Variants in PTP4A3 observed in about 807,000 individuals in gnomAD.
PTP4A3 encodes the protein protein tyrosine phosphatase type IVA 3.
Under a neutral mutation model 15.2 loss-of-function variants are expected in PTP4A3, and 9 were observed. The observed-to-expected ratio is 0.59, with a 90% CI of 0.36 to 1.03. PTP4A3 has a LOEUF of 1.03. Ranked by LOEUF, PTP4A3 falls within the 50% of genes least tolerant of loss-of-function variation. PTP4A3 has a pLI of 0.02. For synonymous variants in PTP4A3, 95 were observed against 102.0 expected (o/e 0.93, Z 0.41); for missense variants, 234 against 252.1 (o/e 0.93, Z 0.49).
intron 1 of PTP4A3, among the ~76,000 whole-genome samples, chr8:141,412,700 G>A (rs1832902569): frequency 6.6e-6 from 1 of 152,190 alleles, no homozygotes; most frequent in South Asian, 2.1e-4. Flanking sequence ...CAGCGAGCTC[G>A]CCCACTGCCC....
chr8:141,419,491 C>A (rs1246110736), intron 1 of PTP4A3, among the ~76,000 whole-genome samples: 1 of 152,102 alleles, frequency 6.6e-6, no homozygotes, highest in African/African-American at 2.4e-5. Context: ...TCCAGTCGGG[C>A]AAGGTGGGGA....
At chr8:141,400,713 A>G (rs976593215) in intron 1 of PTP4A3, among the ~76,000 whole-genome samples, 3 of 151,718 alleles carry the variant, frequency 2.0e-5, no homozygotes, top group Non-Finnish European at 4.4e-5. Context: ...CAGCCCCTTC[A>G]TCCCTATCCT....
At chr8:141,401,684 C>T (rs1185555697) in intron 1 of PTP4A3, among the ~76,000 whole-genome samples, 1 of 152,196 alleles carries the variant, frequency 6.6e-6, no homozygotes, top group Non-Finnish European at 1.5e-5. Flanking sequence ...TCCCGAGGGG[C>T]CCCGGGCCTG....
chr8:141,422,174 T>C lies in PTP4A3; in HGVS notation c.-67T>C. 1 of 1,498,720 alleles carries C rather than the reference T, an allele frequency of 6.7e-7. No homozygotes were observed. Among genetic ancestry groups the C allele is most frequent in the Non-Finnish European group, 9.3e-7 (1 of 1,079,706 alleles). 92.8% of individuals were successfully genotyped at this position (1,498,720 alleles called of 1,614,324 possible). ...TCATTTTTTGGGGGTGTGTGGGGACTTCTCAGGTCGTGTCCCCAGCCTTCT... is the reference window on the plus strand; with the variant it reads ...TCATTTTTTGGGGGTGTGTGGGGACCTCTCAGGTCGTGTCCCCAGCCTTCT... On this transcript the variant is annotated 5_prime_UTR_variant, in exon 2 of 6. Transcript: ENST00000521578.
chr8:141,397,978 G>A (rs996034747), intron 1 of PTP4A3, among the ~76,000 whole-genome samples: 3 of 152,196 alleles, frequency 2.0e-5, no homozygotes, highest in African/African-American at 7.2e-5. Context: ...GCAGGACCCT[G>A]GACAGTCAGC....
intron 1 of PTP4A3, among the ~76,000 whole-genome samples, chr8:141,417,734 C>T (rs771323002): frequency 2.0e-5 from 3 of 151,940 alleles, no homozygotes; most frequent in African/African-American, 4.8e-5. Context: ...CTTCCCTTTC[C>T]TGGCTGGGCT....
chr8:141,427,837 G>C lies in PTP4A3; in HGVS notation c.404+13G>C. 3 of 1,547,846 alleles carry C rather than the reference G, an allele frequency of 1.9e-6. No homozygotes were observed. Among genetic ancestry groups the C allele is most frequent in the East Asian group, 4.9e-5 (2 of 40,846 alleles). On this transcript the variant is annotated intron_variant, in intron 5 of 5. Coordinates refer to ENST00000521578, the MANE Select transcript of PTP4A3 (RefSeq NM_032611.3). ...AGTTCATCCGCCAGTGAGTGGCCGC[G>C]GTGGTGGGGTGGGCTGTGAGCGCTG...
At chr8:141,399,631 G>A (rs1163346970) in intron 1 of PTP4A3, among the ~76,000 whole-genome samples, 1 of 152,252 alleles carries the variant, frequency 6.6e-6, no homozygotes, top group African/African-American at 2.4e-5. Context: ...GTGGGATCAG[G>A]ACAAAGGCCT....
At chr8:141,412,665 A>G (rs1409041749) in intron 1 of PTP4A3, among the ~76,000 whole-genome samples, 1 of 152,210 alleles carries the variant, frequency 6.6e-6, no homozygotes, top group African/African-American at 2.4e-5. Context: ...CTTTCTGCAG[A>G]GCAGGCTTAG....
At position 141,427,028 on chromosome 8, in the gene PTP4A3, C is replaced by T. The variant is rs200802364; in HGVS notation, c.288C>T (p.Pro96=). ...SLVKAKFCEA[P]GSCVAVHCVA... is the part of the protein sequence containing the mutation. ...TGAAGGCCAAGTTCTGTGAGGCCCC[C>T]GGCAGCTGCGTGGCTGTGCACTGCG... The change falls in exon 4 of 6, where the codon CCC becomes CCT. Residue 96 remains proline (P), a synonymous_variant. Transcript: ENST00000521578. The T allele has an allele frequency of 1.2e-4, 187 of 1,601,832 alleles. No individual in the cohort carries two copies. The highest frequency in any genetic ancestry group is 4.7e-4 in the Admixed American group (28 of 59,988).
At chr8:141,411,752 C>T (rs536661491) in intron 1 of PTP4A3, among the ~76,000 whole-genome samples, 32 of 152,336 alleles carry the variant, frequency 2.1e-4, no homozygotes, top group African/African-American at 6.3e-4. Context: ...TTCCTGTCCC[C>T]GACCCCACGG....
chr8:141,430,113 G>A (rs1268354093), intron 5 of PTP4A3, among the ~76,000 whole-genome samples: 2 of 147,040 alleles, frequency 1.4e-5, no homozygotes, highest in African/African-American at 5.2e-5. Context: ...GACAGGGTGA[G>A]CGTACAGCCC....
At chr8:141,393,854 G>T (rs552941810) in intron 1 of PTP4A3, among the ~76,000 whole-genome samples, 1 of 152,336 alleles carries the variant, frequency 6.6e-6, no homozygotes, top group African/African-American at 2.4e-5. Context: ...CAGTTTGGAT[G>T]GCGAGGAGGT....
At chr8:141,403,153 C>T (rs1306720188) in intron 1 of PTP4A3, among the ~76,000 whole-genome samples, 5 of 152,186 alleles carry the variant, frequency 3.3e-5, no homozygotes, top group African/African-American at 1.2e-4. Flanking sequence ...CCAGGATGAG[C>T]CCCATCAGCC....
chr8:141,425,604 G>A lies in PTP4A3; in HGVS notation c.198+464G>A, dbSNP rs1409458603. ...CCCAGGTCTGGGCGGGGGGTGGGGCGGTTCTGCTGCGATATCCTTGGGGGG... is the reference window on the plus strand; with the variant it reads ...CCCAGGTCTGGGCGGGGGGTGGGGCAGTTCTGCTGCGATATCCTTGGGGGG... On this transcript the variant is annotated intron_variant, in intron 3 of 5. Coordinates refer to ENST00000521578, the MANE Select transcript of PTP4A3 (RefSeq NM_032611.3). This position sits in a 1 kb window ranked among gnomAD's most constrained non-coding sequence, Gnocchi z 4.2. Among the ~76,000 whole-genome samples the A allele has an allele frequency of 3.4e-5, 5 of 146,152 alleles. No individual in the cohort carries two copies. The highest frequency in any genetic ancestry group is 2.2e-4 in the South Asian group (1 of 4,478).
At chr8:141,417,856 GC>G (rs1833124275) in intron 1 of PTP4A3, among the ~76,000 whole-genome samples, 1 of 151,922 alleles carries the variant, frequency 6.6e-6, no homozygotes, top group Admixed American at 6.6e-5. Flanking sequence ...CGCCGGTCAC[GC>G]CCCCCACGTG....
At chr8:141,409,266 C>T (rs1832806162) in intron 1 of PTP4A3, among the ~76,000 whole-genome samples, 2 of 152,248 alleles carry the variant, frequency 1.3e-5, no homozygotes, top group South Asian at 4.1e-4. Context: ...GGGCAAAGTT[C>T]CTGGCCCGGG....
intron 2 of PTP4A3, among the ~76,000 whole-genome samples, chr8:141,424,644 T>A: frequency 6.6e-6 from 1 of 151,902 alleles, no homozygotes; most frequent in East Asian, 1.9e-4. Flanking sequence ...GAGGGAGTGG[T>A]GTGCTGGGCA....
At chr8:141,418,923 G>A (rs1833188977) in intron 1 of PTP4A3, among the ~76,000 whole-genome samples, 2 of 152,170 alleles carry the variant, frequency 1.3e-5, no homozygotes, top group South Asian at 4.1e-4. Context: ...GCAGGGCAGA[G>A]CCACATAGTG....
Sources: allele counts gnomAD v4.1 joint callset (sites outside exome capture counted in the v4.1 genomes callset), GRCh38; gene constraint gnomAD v4.1.1; non-coding constraint Gnocchi (gnomAD v3.1); transcripts MANE v1.5; gene names NCBI Gene and HGNC (gene_info 2026-07-23, HGNC 2026-07-21).